The following SFI1 variants were observed in gnomAD, a reference collection of about 807,000 sequenced individuals.
SFI1 encodes the protein SFI1 centrin binding protein.
A neutral mutation model predicts 207.5 loss-of-function variants in SFI1; 195 were observed. That is an observed-to-expected ratio of 0.94 (90% CI 0.84 to 1.06). SFI1 has a LOEUF of 1.06. SFI1 is among the 50% of genes least tolerant of loss of function. SFI1 has a pLI of 0.00. For missense variants in SFI1, 1,634 were observed against 1,588.0 expected, an observed-to-expected ratio of 1.03 and a Z score of -0.49; for synonymous variants, 630 against 598.9, an observed-to-expected ratio of 1.05 and a Z score of -0.76.
chr22:31,528,671 T>C lies in SFI1; in HGVS notation c.93-19T>C. 2 of 1,609,324 alleles carry C rather than the reference T, an allele frequency of 1.2e-6. No individual in the cohort carries two copies. Among genetic ancestry groups the C allele is most frequent in the South Asian group, 1.1e-5 (1 of 90,820 alleles). ...GATAACTTTATTCTCTCCTTGCCTC[T>C]TTCGTCCTCAAATTTAAGGTATTTT... is the stretch of plus-strand genomic sequence containing the variant. On this transcript the variant is annotated intron_variant, in intron 2 of 32. Coordinates refer to ENST00000400288, the MANE Select transcript of SFI1 (RefSeq NM_001007467.3).
chr22:31,547,146 A>G (rs1050523248), intron 5 of SFI1, among the ~76,000 whole-genome samples, 175 bp downstream of exon 5: 30 of 151,974 alleles, frequency 2.0e-4, no homozygotes, highest in African/African-American at 7.0e-4. Flanking sequence ...ATGCATGCAC[A>G]TGCTGGGCAC....
chr22:31,610,076 C>T (rs146686301), intron 22 of SFI1, among the ~76,000 whole-genome samples: 28 of 152,258 alleles, frequency 1.8e-4, no homozygotes, highest in Middle Eastern at 3.4e-3. Flanking sequence ...ACAGTGTACA[C>T]GTAGTAGGTA....
chr22:31,553,775 C>A (rs1312569699), intron 6 of SFI1, among the ~76,000 whole-genome samples: 2 of 117,982 alleles, frequency 1.7e-5, no homozygotes, highest in Non-Finnish European at 3.5e-5. Context: ...TTAACAGTAT[C>A]TTTTGCAGAG....
intron 24 of SFI1, 149 bp from the exon 25 acceptor site, chr22:31,612,993 G>T (rs532323414): frequency 1.2e-5 from 9 of 735,234 alleles, no homozygotes; most frequent in Non-Finnish European, 2.0e-5. Flanking sequence ...GCATCTCACC[G>T]CCAGGCACAA....
At position 31,602,751 on chromosome 22, in the gene SFI1, C is replaced by T. The variant is rs1375259268; in HGVS notation, c.1771C>T (p.Leu591Phe). ...CGGGCGGCTCAAGAAAGCTTTCTGC[C>T]TCTGGAGGGAAAGTGCCCAAGGGCT... is the stretch of plus-strand genomic sequence containing the variant. ...RHGRLKKAFC[L>F]WRESAQGLRT... The change falls in exon 17 of 33, where the codon CTC becomes TTC. Residue 591 changes from leucine to phenylalanine, a missense_variant. Physicochemically the swap from Leu to Phe is conservative, Grantham distance 22. Coordinates refer to ENST00000400288, the MANE Select transcript of SFI1 (RefSeq NM_001007467.3). 1.9e-6 allele frequency: 3 copies of T among 1,614,038 alleles called. No individual in the cohort carries two copies. The highest frequency in any genetic ancestry group is 2.5e-6 in the Non-Finnish European group (3 of 1,180,028).
chr22:31,615,313 G>C lies in SFI1; in HGVS notation c.3300+34G>C, dbSNP rs546995246. The stretch of plus-strand genomic sequence containing the variant: ...TCCACCACCAGGCCTGGGCACTGGG[G>C]CTCTCACTCTGGTCTGACTTCTGGT... On this transcript the variant is annotated intron_variant, in intron 29 of 32. Transcript: ENST00000400288. 232 of 1,439,076 alleles carry C rather than the reference G, an allele frequency of 1.6e-4. 4 individuals are homozygous for C. The South Asian group carries it at 3.3e-3, about 20-fold the overall frequency. The allele number at this position is 1,439,076 out of a possible 1,614,324, so 89.1% of individuals were successfully genotyped here. A position where few individuals can be genotyped will look rare whatever the true frequency, so the allele number is the denominator to read the frequency against.
intron 15 of SFI1, among the ~76,000 whole-genome samples, chr22:31,590,257 C>T (rs1031621648): frequency 2.0e-5 from 3 of 151,968 alleles, no homozygotes; most frequent in Admixed American, 1.3e-4. Context: ...TCTGGGCACC[C>T]AGTGGCCCAG....
intron 8 of SFI1, among the ~76,000 whole-genome samples, chr22:31,565,588 A>G (rs1011756499): frequency 6.6e-6 from 1 of 151,916 alleles, no homozygotes; most frequent in East Asian, 1.9e-4. Flanking sequence ...TGTCCCAGCT[A>G]CTTGGGAGGC....
intron 1 of SFI1, among the ~76,000 whole-genome samples, chr22:31,500,052 G>T (rs1349146432): frequency 6.7e-6 from 1 of 148,872 alleles, no homozygotes; most frequent in Non-Finnish European, 1.5e-5. Flanking sequence ...TGCATTACAG[G>T]CTCATGCCTG....
chr22:31,530,574 A>G (rs938830158), intron 3 of SFI1: 1 of 469,314 alleles, frequency 2.1e-6, no homozygotes, highest in Non-Finnish European at 4.4e-6. Context: ...ACTATAAAGC[A>G]CCAATTTCTG....
intron 2 of SFI1, among the ~76,000 whole-genome samples, chr22:31,518,858 T>A (rs770180051): frequency 2.8e-4 from 42 of 152,204 alleles, no homozygotes; most frequent in Non-Finnish European, 5.6e-4. Flanking sequence ...CAGTAAAAAC[T>A]TGGGTACTGA....
At chr22:31,539,891 T>C (rs2147684663) in intron 4 of SFI1, among the ~76,000 whole-genome samples, 1 of 152,146 alleles carries the variant, frequency 6.6e-6, no homozygotes, top group East Asian at 1.9e-4. Flanking sequence ...ACTTTTTGAA[T>C]TTTTAGTAGA....
chr22:31,603,701 C>T (rs1258953747), intron 17 of SFI1, 43 bp from the exon 18 acceptor site: 3 of 1,469,210 alleles, frequency 2.0e-6, no homozygotes, highest in East Asian at 5.4e-5. Context: ...GGTGCCCTCA[C>T]TGGGTGGGGG....
chr22:31,510,821 G>A (rs1288809576), intron 2 of SFI1, among the ~76,000 whole-genome samples: 5 of 152,166 alleles, frequency 3.3e-5, no homozygotes, highest in Non-Finnish European at 7.4e-5. Context: ...TTGGCATAAA[G>A]TTAATTGTAT....
chr22:31,606,174 T>A, intron 20 of SFI1, 154 bp from the exon 21 acceptor site: 1 of 673,206 alleles, frequency 1.5e-6, no homozygotes, highest in African/African-American at 1.8e-5. Flanking sequence ...TGGACATAGA[T>A]GTGCAAGTAA....
chr22:31,575,585 TA>T (rs2063394111), intron 10 of SFI1, among the ~76,000 whole-genome samples, 193 bp downstream of exon 10: 1 of 152,208 alleles, frequency 6.6e-6, no homozygotes, highest in African/African-American at 2.4e-5. Context: ...ATATATAGTT[TA>T]AAAATAATAA....
intron 2 of SFI1, among the ~76,000 whole-genome samples, chr22:31,513,608 T>G (rs1378917326): frequency 6.9e-6 from 1 of 145,222 alleles, no homozygotes; most frequent in East Asian, 2.2e-4. Context: ...GACAGAGTCT[T>G]GCTCTGTCGC....
chr22:31,516,770 C>T (rs918872869), intron 2 of SFI1, among the ~76,000 whole-genome samples: 1 of 151,702 alleles, frequency 6.6e-6, no homozygotes, highest in Non-Finnish European at 1.5e-5. Flanking sequence ...GCCTGACCAA[C>T]ATGGAGAAAC....
chr22:31,613,984 G>A (rs1444969333), intron 27 of SFI1, 129 bp downstream of exon 27: 20 of 1,255,890 alleles, frequency 1.6e-5, no homozygotes, highest in Non-Finnish European at 2.0e-5. Context: ...CTGAGCTGCT[G>A]GGAACCCCCT....
Sources: allele counts gnomAD v4.1 joint callset (sites outside exome capture counted in the v4.1 genomes callset), GRCh38; gene constraint gnomAD v4.1.1; transcripts MANE v1.5; gene names NCBI Gene and HGNC (gene_info 2026-07-23, HGNC 2026-07-21).